Variants in WDPCP observed in about 807,000 individuals in gnomAD.
WDPCP encodes the protein WD repeat-containing and planar cell polarity effector protein fritz homolog.
Under a neutral mutation model 93.1 loss-of-function variants are expected in WDPCP, and 71 were observed. The ratio of observed to expected loss-of-function variants is 0.76; its 90% CI spans 0.63 to 0.93. The LOEUF (loss-of-function observed/expected upper bound fraction) is 0.93, where lower values mean the gene tolerates loss of function less well. Ranked by LOEUF, WDPCP falls within the 40% of genes least tolerant of loss-of-function variation. The pLI is 0.00. For missense variants in WDPCP, 844 were observed against 887.4 expected (o/e 0.95, Z 0.62); for synonymous variants, 315 against 315.0 (o/e 1.00, Z 0.00).
intron 1 of WDPCP, among the ~76,000 whole-genome samples, chr2:63,573,960 G>C (rs752595533): frequency 3.3e-5 from 5 of 152,102 alleles, no homozygotes; most frequent in Admixed American, 3.3e-4. Flanking sequence ...TTATTAGGAC[G>C]AGGAAATTCC....
At chr2:63,480,060 A>G (rs1438638764) in intron 6 of WDPCP, among the ~76,000 whole-genome samples, 1 of 152,162 alleles carries the variant, frequency 6.6e-6, no homozygotes, top group Non-Finnish European at 1.5e-5. Flanking sequence ...AATGTATACA[A>G]TCAGTAGCTC....
intron 2 of WDPCP, among the ~76,000 whole-genome samples, chr2:63,803,613 T>G (rs766317191): frequency 2.0e-5 from 3 of 152,168 alleles, no homozygotes; most frequent in African/African-American, 7.2e-5. Context: ...AGGAATTATA[T>G]AAAAATATAG....
At chr2:63,134,999 T>G (rs928411408) in intron 17 of WDPCP, among the ~76,000 whole-genome samples, 3 of 152,138 alleles carry the variant, frequency 2.0e-5, no homozygotes, top group African/African-American at 7.2e-5. Context: ...GGCACGGGCC[T>G]GTAGTGCTAG....
chr2:63,602,307 C>CT (rs978499371), intron 3 of WDPCP, among the ~76,000 whole-genome samples: 8 of 131,918 alleles, frequency 6.1e-5, no homozygotes, highest in East Asian at 4.5e-4. Flanking sequence ...AGGTAATGGC[C>CT]TTTTTTTTCA....
At position 63,782,429 on chromosome 2, in the gene WDPCP, AAT is replaced by A. The variant is rs1670408762; in HGVS notation, n.308+31191_308+31192del. ...CTAACTATGTATCCAACAAGGTACT[AAT>A]ATCAGAATCTAGAAGGAACTCAACA... is the stretch of plus-strand genomic sequence containing the variant. On this transcript the variant is annotated intron_variant and non_coding_transcript_variant, in intron 2 of 4. Coordinates refer to the WDPCP transcript ENST00000467687. Among the ~76,000 whole-genome samples the A allele has an allele frequency of 2.0e-5, 3 of 152,320 alleles. No homozygotes were observed. The South Asian group carries it at 6.2e-4, about 32-fold the overall frequency.
intron 6 of WDPCP, among the ~76,000 whole-genome samples, chr2:63,458,359 G>T (rs866500698): frequency 1.3e-5 from 2 of 151,780 alleles, no homozygotes; most frequent in Non-Finnish European, 2.9e-5. Context: ...GAACTGATAA[G>T]CAAATTCAGT....
At chr2:63,475,683 T>C (rs1268012558) in intron 6 of WDPCP, among the ~76,000 whole-genome samples, 1 of 152,096 alleles carries the variant, frequency 6.6e-6, no homozygotes, top group African/African-American at 2.4e-5. Context: ...AAAATATAAG[T>C]TAAGGCTTTT....
At chr2:63,330,487 C>G (rs935132312) in intron 12 of WDPCP, among the ~76,000 whole-genome samples, 1 of 151,926 alleles carries the variant, frequency 6.6e-6, no homozygotes, top group Non-Finnish European at 1.5e-5. Flanking sequence ...GACTCCCTTC[C>G]CAGCTATATG....
At chr2:63,137,828 T>C (rs1306504129) in intron 17 of WDPCP, among the ~76,000 whole-genome samples, 1 of 152,190 alleles carries the variant, frequency 6.6e-6, no homozygotes, top group Non-Finnish European at 1.5e-5. Context: ...TCTCCGTTGC[T>C]TGTTTTTGTC....
At chr2:63,709,535 A>G (rs1158422797) in intron 2 of WDPCP, among the ~76,000 whole-genome samples, 2 of 152,194 alleles carry the variant, frequency 1.3e-5, no homozygotes, top group African/African-American at 2.4e-5. Flanking sequence ...CATTAAACTT[A>G]TGGAAACTTC....
intron 12 of WDPCP, among the ~76,000 whole-genome samples, chr2:63,354,660 G>A (rs1335475822): frequency 6.6e-6 from 1 of 151,812 alleles, no homozygotes; most frequent in Non-Finnish European, 1.5e-5. Flanking sequence ...ATATGTGTGT[G>A]TATATATATG....
At chr2:63,481,013 C>T (rs1700235940) in intron 6 of WDPCP, among the ~76,000 whole-genome samples, 1 of 151,976 alleles carries the variant, frequency 6.6e-6, no homozygotes. Context: ...TATCCAGAAT[C>T]TACAATGAAC....
intron 1 of WDPCP, among the ~76,000 whole-genome samples, chr2:63,531,299 C>T (rs1440612547): frequency 6.6e-6 from 1 of 152,246 alleles, no homozygotes; most frequent in Admixed American, 6.5e-5. Flanking sequence ...GAAACTTCTG[C>T]AGGCTTAAAC....
chr2:63,329,797 C>T (rs868215236), intron 12 of WDPCP, among the ~76,000 whole-genome samples: 2 of 152,148 alleles, frequency 1.3e-5, no homozygotes, highest in African/African-American at 4.8e-5. Context: ...TTCTGTATTA[C>T]TATGAGTGCA....
intron 2 of WDPCP, among the ~76,000 whole-genome samples, chr2:63,804,551 G>A (rs949466712): frequency 4.0e-5 from 6 of 149,612 alleles, no homozygotes; most frequent in African/African-American, 7.4e-5. Flanking sequence ...CACCTCGCCC[G>A]ACCCAAGCCA....
At chr2:63,606,029 G>A in intron 3 of WDPCP, 1 of 1,612,834 alleles carries the variant, frequency 6.2e-7, no homozygotes, top group Non-Finnish European at 8.5e-7. Flanking sequence ...TGTAATCAAG[G>A]TAAGGTATTT....
At chr2:63,478,570 C>T (rs2105870241) in intron 6 of WDPCP, among the ~76,000 whole-genome samples, 1 of 152,240 alleles carries the variant, frequency 6.6e-6, no homozygotes, top group Non-Finnish European at 1.5e-5. Context: ...TAACCTGCTC[C>T]TCAAAGATTG....
upstream of WDPCP, among the ~76,000 whole-genome samples, chr2:63,830,678 G>A (rs1487816937): frequency 6.6e-6 from 1 of 151,948 alleles, no homozygotes; most frequent in Non-Finnish European, 1.5e-5. Context: ...CTCATAACTG[G>A]CCATATCTGA....
intron 14 of WDPCP, among the ~76,000 whole-genome samples, chr2:63,252,718 A>C (rs575785025): frequency 2.6e-5 from 4 of 152,220 alleles, no homozygotes; most frequent in Non-Finnish European, 5.9e-5. Context: ...ACACCTAACC[A>C]AGGAAGTGAA....
Sources: gnomAD v4.1 joint callset for allele counts (sites outside exome capture counted in the v4.1 genomes callset) on GRCh38, gnomAD v4.1.1 for gene constraint, MANE v1.5 for transcripts, NCBI Gene and HGNC (gene_info 2026-07-23, HGNC 2026-07-21) for gene names.